SGMS1: variants seen among roughly 807,000 people sequenced by gnomAD.
The protein encoded by SGMS1 is sphingomyelin synthase 1, also known as phosphatidylcholine:ceramide cholinephosphotransferase 1.
In SGMS1, 13 loss-of-function variants were observed where a neutral mutation model predicts 46.2. That is an observed-to-expected ratio of 0.28 (90% CI 0.18 to 0.45). The LOEUF is 0.45. SGMS1 is among the 20% of genes least tolerant of loss of function. The pLI, the probability that SGMS1 is intolerant of heterozygous loss-of-function variation, is 1.00. For synonymous variants in SGMS1, 203 were observed against 187.8 expected (o/e 1.08, Z -0.66); for missense variants, 324 against 519.9 (o/e 0.62, Z 3.66).
chr10:50,378,012 T>C (rs1848545047), intron 6 of SGMS1, among the ~76,000 whole-genome samples: 1 of 152,206 alleles, frequency 6.6e-6, no homozygotes, highest in South Asian at 2.1e-4. Flanking sequence ...ATGTTTTGCT[T>C]CAAAATGTTT....
intron 6 of SGMS1, among the ~76,000 whole-genome samples, chr10:50,401,125 T>C (rs1848934435): frequency 6.6e-6 from 1 of 152,080 alleles, no homozygotes; most frequent in African/African-American, 2.4e-5. Context: ...ATGGGAAAAA[T>C]CATTAATTGT....
intron 5 of SGMS1, among the ~76,000 whole-genome samples, chr10:50,456,397 G>A (rs1837191557): frequency 6.6e-6 from 1 of 152,146 alleles, no homozygotes; most frequent in African/African-American, 2.4e-5. Flanking sequence ...TGTCTGAAAA[G>A]TAATGGTTTG....
At chr10:50,360,177 T>C (rs897909555) in intron 6 of SGMS1, among the ~76,000 whole-genome samples, 2 of 152,212 alleles carry the variant, frequency 1.3e-5, no homozygotes, top group Non-Finnish European at 2.9e-5. Context: ...TATAATTATG[T>C]TCCCAAATTC....
intron 5 of SGMS1, among the ~76,000 whole-genome samples, chr10:50,447,574 T>C (rs1837037145): frequency 6.6e-6 from 1 of 152,160 alleles, no homozygotes; most frequent in South Asian, 2.1e-4. Context: ...AATGTAAACA[T>C]ATTTCTTAGC....
chr10:50,444,656 C>T (rs182438276), intron 5 of SGMS1, among the ~76,000 whole-genome samples: 13 of 151,640 alleles, frequency 8.6e-5, no homozygotes, highest in Admixed American at 5.9e-4. Context: ...CTCAAGAGGC[C>T]GAGGTAAGAG....
chr10:50,418,245 G>A (rs774299211), intron 6 of SGMS1: 7 of 152,162 alleles, frequency 4.6e-5, no homozygotes, highest in Non-Finnish European at 7.4e-5. Context: ...GATCGGTCCC[G>A]GCGGTCCCGT....
intron 2 of SGMS1, among the ~76,000 whole-genome samples, chr10:50,579,881 G>A (rs1838417069): frequency 6.6e-6 from 1 of 152,184 alleles, no homozygotes; most frequent in Admixed American, 6.5e-5. Flanking sequence ...GTACACAGCA[G>A]GCCTAGAGAG....
At chr10:50,591,054 T>C (rs17496403) in intron 1 of SGMS1, among the ~76,000 whole-genome samples, 22,510 of 152,120 alleles carry the variant, frequency 0.15, 1,874 homozygotes, top group Non-Finnish European at 0.19. Flanking sequence ...CAATCTACAG[T>C]ATACTCAACT....
intron 2 of SGMS1, among the ~76,000 whole-genome samples, chr10:50,541,478 A>G (rs557920377): frequency 6.6e-6 from 1 of 152,300 alleles, no homozygotes; most frequent in South Asian, 2.1e-4. Context: ...GAGGGGCATT[A>G]ATTTTACCAT....
chr10:50,394,477 A>T (rs1848816015), intron 6 of SGMS1, among the ~76,000 whole-genome samples: 1 of 152,240 alleles, frequency 6.6e-6, no homozygotes, highest in African/African-American at 2.4e-5. Context: ...TAAGAGTCCC[A>T]GTTGGAGCAC....
At chr10:50,505,515 C>G (rs528827950) in intron 3 of SGMS1, among the ~76,000 whole-genome samples, 1 of 152,306 alleles carries the variant, frequency 6.6e-6, no homozygotes, top group Admixed American at 6.5e-5. Context: ...CTTCTCCTCT[C>G]CAGCCTCAGG....
chr10:50,445,048 A>G (rs958308767), intron 5 of SGMS1, among the ~76,000 whole-genome samples: 1 of 152,214 alleles, frequency 6.6e-6, no homozygotes, highest in African/African-American at 2.4e-5. Context: ...AAAATAGTAA[A>G]AGATTTGACA....
chr10:50,479,953 G>A (rs1837461374), intron 3 of SGMS1, among the ~76,000 whole-genome samples: 3 of 152,110 alleles, frequency 2.0e-5, no homozygotes, highest in Non-Finnish European at 4.4e-5. Context: ...TGAGGAGTAT[G>A]CCATTTAAAG....
At chr10:50,451,401 T>C (rs1837107641) in intron 5 of SGMS1, among the ~76,000 whole-genome samples, 1 of 152,216 alleles carries the variant, frequency 6.6e-6, no homozygotes, top group Non-Finnish European at 1.5e-5. Flanking sequence ...AGGCAACCAT[T>C]ATCCCTACTC....
chr10:50,488,590 T>C (rs1837542484), intron 3 of SGMS1, among the ~76,000 whole-genome samples: 1 of 152,156 alleles, frequency 6.6e-6, no homozygotes, highest in South Asian at 2.1e-4. Flanking sequence ...TGAGTCAATA[T>C]TCCAGACTTT....
chr10:50,453,399 A>G (rs1421306346), intron 5 of SGMS1, among the ~76,000 whole-genome samples: 1 of 151,782 alleles, frequency 6.6e-6, no homozygotes, highest in Non-Finnish European at 1.5e-5. Context: ...TCTGGGGATA[A>G]AACTGTAGGA....
At chr10:50,345,287 G>A (rs1847898584) in intron 6 of SGMS1, among the ~76,000 whole-genome samples, 1 of 151,966 alleles carries the variant, frequency 6.6e-6, no homozygotes, top group Non-Finnish European at 1.5e-5. Flanking sequence ...CGGGTTCTGT[G>A]AGATCCCACA....
chr10:50,554,022 A>G (rs1048871810), intron 2 of SGMS1, among the ~76,000 whole-genome samples: 2 of 152,308 alleles, frequency 1.3e-5, no homozygotes, highest in African/African-American at 4.8e-5. Context: ...CTCACTCTGC[A>G]CCTACAATCA....
chr10:50,573,648 G>A (rs1186080346), intron 2 of SGMS1, among the ~76,000 whole-genome samples: 2 of 151,904 alleles, frequency 1.3e-5, no homozygotes, highest in Non-Finnish European at 2.9e-5. Flanking sequence ...ATTTTTTACA[G>A]GAATAGAAAG....
Sources: allele counts gnomAD v4.1 joint callset (sites outside exome capture counted in the v4.1 genomes callset), GRCh38; gene constraint gnomAD v4.1.1; transcripts MANE v1.5; gene names NCBI Gene and HGNC (gene_info 2026-07-23, HGNC 2026-07-21).